The following C2orf78 variants were observed in gnomAD, a reference collection of about 807,000 sequenced individuals.
C2orf78 encodes chromosome 2 open reading frame 78, also known as uncharacterized protein C2orf78.
Under a neutral mutation model 21.4 loss-of-function variants are expected in C2orf78, and 12 were observed. The ratio of observed to expected loss-of-function variants is 0.56; its 90% CI spans 0.36 to 0.91. C2orf78 has a LOEUF of 0.91. C2orf78 is among the 40% of genes least tolerant of loss of function. The pLI, the probability that C2orf78 is intolerant of heterozygous loss-of-function variation, is 0.01. For synonymous variants in C2orf78, 396 were observed against 413.9 expected (o/e 0.96, Z 0.52); for missense variants, 1,042 against 1,092.4 (o/e 0.95, Z 0.65).
exon 2 of C2orf78, chr2:73,813,807 G>C: frequency 1.2e-6 from 2 of 1,614,018 alleles, no homozygotes; most frequent in Non-Finnish European, 1.7e-6. Flanking sequence ...TCCTCACTCA[G>C]GGACTTCACT....
chr2:73,786,395 TAAAC>T (rs1183962940), intron 1 of C2orf78, among the ~76,000 whole-genome samples: 1 of 140,308 alleles, frequency 7.1e-6, no homozygotes, highest in Non-Finnish European at 1.5e-5. Context: ...AACAAACAAA[TAAAC>T]AAACAAATGA....
intron 1 of C2orf78, chr2:73,808,824 C>T (rs2103976048): frequency 7.2e-7 from 1 of 1,384,048 alleles, no homozygotes; most frequent in East Asian, 2.5e-5. Flanking sequence ...TTGGCTTCAG[C>T]CACCCAGACA....
chr2:73,784,533 A>G (rs1672885446), intron 1 of C2orf78, 127 bp downstream of exon 1: 1 of 627,468 alleles, frequency 1.6e-6, no homozygotes, highest in Non-Finnish European at 2.6e-6. Flanking sequence ...AAATCCAGAG[A>G]CCTCATTTCA....
At chr2:73,813,352 A>G (rs894666244) in intron 1 of C2orf78, 125 bp from the exon 2 acceptor site, 2 of 987,698 alleles carry the variant, frequency 2.0e-6, no homozygotes, top group Non-Finnish European at 2.9e-6. Context: ...GGCTTTTGGT[A>G]TCTCAGTGAG....
intron 2 of C2orf78, 29 bp from the exon 3 acceptor site, chr2:73,815,042 G>C (rs1431293845): frequency 1.9e-6 from 3 of 1,580,874 alleles, no homozygotes; most frequent in Non-Finnish European, 1.7e-6. Context: ...ACTTACCAGG[G>C]ACTGACTTCT....
chr2:73,808,008 C>T (rs1672992377), intron 1 of C2orf78, among the ~76,000 whole-genome samples: 1 of 151,162 alleles, frequency 6.6e-6, no homozygotes, highest in South Asian at 2.1e-4. Flanking sequence ...GTAATCCCAG[C>T]ACTTTGGGAG....
intron 1 of C2orf78, among the ~76,000 whole-genome samples, chr2:73,811,056 T>A (rs1573199888): frequency 6.6e-6 from 1 of 150,770 alleles, no homozygotes; most frequent in Non-Finnish European, 1.5e-5. Flanking sequence ...TTTGGGAGGC[T>A]GAGGCGGGTG....
chr2:73,810,646 A>G (rs1176291424), intron 1 of C2orf78, among the ~76,000 whole-genome samples: 1 of 136,144 alleles, frequency 7.3e-6, no homozygotes, highest in Non-Finnish European at 1.5e-5. Flanking sequence ...TGTATATTTT[A>G]TGTATATATC....
At chr2:73,813,358 G>A in intron 1 of C2orf78, 119 bp from the exon 2 acceptor site, 3 of 1,043,668 alleles carry the variant, frequency 2.9e-6, no homozygotes, top group Non-Finnish European at 4.0e-6. Flanking sequence ...TGGTATCTCA[G>A]TGAGTATTGG....
intron 1 of C2orf78, among the ~76,000 whole-genome samples, chr2:73,810,825 C>T (rs1349404689): frequency 7.8e-6 from 1 of 127,926 alleles, no homozygotes. Context: ...AATTAATATA[C>T]ATGTATGTTA....
chr2:73,811,371 T>A (rs1673085537), intron 1 of C2orf78, among the ~76,000 whole-genome samples: 1 of 152,164 alleles, frequency 6.6e-6, no homozygotes, highest in Non-Finnish European at 1.5e-5. Flanking sequence ...GACATGTAAT[T>A]TGCAGTGTGC....
chr2:73,813,376 G>C lies in C2orf78; in HGVS notation c.98-101G>C, dbSNP rs1013080074. 2.7e-5 allele frequency: 33 copies of C among 1,230,696 alleles called. No homozygotes were observed. In the East Asian group the frequency reaches 7.4e-4, roughly 27 times the overall value. The allele number at this position is 1,230,696 out of a possible 1,614,324, so 76.2% of individuals were successfully genotyped here. A position where few individuals can be genotyped will look rare whatever the true frequency, so the allele number is the denominator to read the frequency against. ...TATCTCAGTGAGTATTGGTATTAGAGGCTTCCTGATTGCAACAACCTTAAG... is the reference window on the plus strand; with the variant it reads ...TATCTCAGTGAGTATTGGTATTAGACGCTTCCTGATTGCAACAACCTTAAG... On this transcript the variant is annotated intron_variant, in intron 1 of 2. Transcript: ENST00000409561.
exon 3 of C2orf78, chr2:73,815,276 T>A: frequency 6.2e-7 from 1 of 1,613,872 alleles, no homozygotes; most frequent in Non-Finnish European, 8.5e-7. Flanking sequence ...TGTCTCCAGC[T>A]CCAAGCCAGG....
intron 1 of C2orf78, among the ~76,000 whole-genome samples, chr2:73,812,979 C>G (rs1271649476): frequency 6.6e-6 from 1 of 152,148 alleles, no homozygotes; most frequent in East Asian, 1.9e-4. Context: ...GGTTTCTGGT[C>G]TATGCTCAGA....
chr2:73,815,943 A>G (rs768143497), exon 3 of C2orf78: 65 of 1,613,790 alleles, frequency 4.0e-5, no homozygotes, highest in Non-Finnish European at 5.1e-5. Flanking sequence ...GGAAAAGACC[A>G]AAGGGAACAG....
At chr2:73,810,103 T>G (rs1372550327) in intron 1 of C2orf78, among the ~76,000 whole-genome samples, 1 of 152,070 alleles carries the variant, frequency 6.6e-6, no homozygotes, top group Non-Finnish European at 1.5e-5. Flanking sequence ...ATCAAAGGAC[T>G]AGGAAGGAAA....
intron 2 of C2orf78, among the ~76,000 whole-genome samples, 198 bp from the exon 3 acceptor site, chr2:73,814,873 A>C (rs1386914438): frequency 2.0e-5 from 3 of 152,246 alleles, no homozygotes; most frequent in African/African-American, 7.2e-5. Flanking sequence ...AAGAAAACCA[A>C]GAAACAATCA....
chr2:73,811,172 A>G (rs1473343191), intron 1 of C2orf78, among the ~76,000 whole-genome samples: 2 of 151,274 alleles, frequency 1.3e-5, no homozygotes, highest in East Asian at 3.9e-4. Flanking sequence ...GCGCCTGTAA[A>G]CCCAGCTACT....
chr2:73,816,037 T>C lies in C2orf78; in HGVS notation c.1814T>C (p.Met605Thr), dbSNP rs142615838. The change falls in exon 3 of 3, where the codon ATG (methionine) becomes ACG (threonine). Residue 605 changes from methionine (M) to threonine (T), a missense_variant. By Grantham distance (81) the Met-to-Thr change is moderately conservative (BLOSUM62 -1). Around this residue, in one of 2 missense-constraint regions of C2orf78, gnomAD observed 1,039 missense variants for 1,069.7 expected, o/e 0.97. Transcript: ENST00000409561. Reference sequence around the variant, plus strand: ...GAAGAGAAGCAAACCATTCCCAATATGAAACGGAAGAAAAATCAACCTGAG... The same window carrying C: ...GAAGAGAAGCAAACCATTCCCAATACGAAACGGAAGAAAAATCAACCTGAG... 2.8e-4 allele frequency: 450 copies of C among 1,613,840 alleles called. 3 individuals carry two copies. In the African/African-American group the frequency reaches 5.6e-3, roughly 20 times the overall value.
Sources: gnomAD v4.1 joint callset for allele counts (sites outside exome capture counted in the v4.1 genomes callset) on GRCh38, gnomAD v4.1.1 for gene constraint, gnomAD v4.1.1 regional missense constraint, MANE v1.5 for transcripts, NCBI Gene and HGNC (gene_info 2026-07-23, HGNC 2026-07-21) for gene names.